ADAMTS3: variants seen among roughly 807,000 people sequenced by gnomAD.
ADAMTS3 encodes ADAM metallopeptidase with thrombospondin type 1 motif 3, also known as A disintegrin and metalloproteinase with thrombospondin motifs 3.
ADAMTS3 carries 73 observed loss-of-function variants against 129.0 expected under a neutral mutation model. The observed-to-expected ratio is 0.57, with a 90% CI of 0.47 to 0.69. ADAMTS3 has a LOEUF of 0.69. Ranked by LOEUF, ADAMTS3 falls within the 30% of genes least tolerant of loss-of-function variation. ADAMTS3 has a pLI of 0.00. For synonymous variants in ADAMTS3, 477 were observed against 510.8 expected (o/e 0.93, Z 0.89); for missense variants, 1,457 against 1,514.5 (o/e 0.96, Z 0.63).
chr4:72,515,582 G>A (rs1399781339), intron 3 of ADAMTS3, among the ~76,000 whole-genome samples: 3 of 149,176 alleles, frequency 2.0e-5, no homozygotes, highest in African/African-American at 7.4e-5. Context: ...TTCTCTGATG[G>A]CCAGTGATGA....
At chr4:72,305,861 CACATGTATGT>C (rs920287063) in intron 16 of ADAMTS3, 116 bp downstream of exon 16, 1 of 781,038 alleles carries the variant, frequency 1.3e-6, no homozygotes, top group Non-Finnish European at 2.2e-6. Context: ...TATACGTATG[CACATGTATGT>C]ACATATACGT....
At chr4:72,357,289 C>T (rs1019791323) in intron 4 of ADAMTS3, among the ~76,000 whole-genome samples, 1 of 151,870 alleles carries the variant, frequency 6.6e-6, no homozygotes, top group Admixed American at 6.6e-5. Flanking sequence ...TAAATGAATG[C>T]TTATGTACGC....
chr4:72,333,695 C>A (rs1051507238), intron 5 of ADAMTS3, among the ~76,000 whole-genome samples: 3 of 152,098 alleles, frequency 2.0e-5, no homozygotes, highest in African/African-American at 7.2e-5. Context: ...TCCTTACACA[C>A]TAAATTTGAG....
chr4:72,326,825 CTCAATGAAACATCTAGTTTAAATTA>C (rs1329389467), intron 5 of ADAMTS3, among the ~76,000 whole-genome samples: 3 of 152,110 alleles, frequency 2.0e-5, no homozygotes, highest in Non-Finnish European at 4.4e-5. Flanking sequence ...AAATCTCAAT[CTCAATGAAACATCTAGTTTAAATTA>C]TCAATAAAAT....
chr4:72,421,380 T>A (rs369375777), intron 3 of ADAMTS3, among the ~76,000 whole-genome samples: 1 of 152,198 alleles, frequency 6.6e-6, no homozygotes, highest in Non-Finnish European at 1.5e-5. Context: ...CTATGTCATA[T>A]CCCAGGGTCT....
At position 72,283,298 on chromosome 4, in the gene ADAMTS3, G is replaced by C. The variant is rs775239324; in HGVS notation, c.3456C>G (p.Pro1152=). Residue 1152 remains proline, a synonymous_variant, in exon 22 of 22, where the codon CCC becomes CCG. Coordinates refer to ENST00000286657, the MANE Select transcript of ADAMTS3 (RefSeq NM_014243.3). ...VRLVTVPSSP[P]TKRVHLSSAS... is the part of the protein sequence containing the mutation. ...CTGAACTGAGGTGGACCCTCTTGGT[G>C]GGTGGGGAGGATGGTACGGTGACCA... 2 of 1,613,966 alleles carry C rather than the reference G, an allele frequency of 1.2e-6. No homozygotes were observed. Among genetic ancestry groups the C allele is most frequent in the Admixed American group, 1.7e-5 (1 of 60,000 alleles).
At chr4:72,542,295 G>A (rs368698869) in intron 3 of ADAMTS3, among the ~76,000 whole-genome samples, 5 of 152,104 alleles carry the variant, frequency 3.3e-5, no homozygotes, top group African/African-American at 9.6e-5. Context: ...CTCCCGAGTC[G>A]CTGGGACTAC....
In ADAMTS3 at chr4:72,311,116, G is replaced by C. The variant is rs776760954; in HGVS notation, c.1987C>G (p.Leu663Val). The stretch of plus-strand genomic sequence containing the variant: ...GAACAGTGCGTTCCATCATGCACCA[G>C]TTGTTTCATGTAAGCAACATCTCCA... ...ETGDVAYMKQ[L>V]VHDGTHCSYK... Residue 663 changes from leucine (L) to valine (V), a missense_variant, in exon 14 of 22, where the codon CTG (leucine) becomes GTG (valine). Coordinates refer to ENST00000286657, the MANE Select transcript of ADAMTS3 (RefSeq NM_014243.3). 6.2e-7 allele frequency: 1 copy of C among 1,612,648 alleles called. No homozygotes were observed.
chr4:72,300,777 T>C (rs4694121), intron 17 of ADAMTS3, among the ~76,000 whole-genome samples: 29,802 of 152,076 alleles, frequency 0.2, 3,495 homozygotes, highest in East Asian at 0.47. Context: ...ATTGTGAGGA[T>C]GTATAAGCAT....
intron 3 of ADAMTS3, among the ~76,000 whole-genome samples, chr4:72,487,811 A>G (rs1400390382): frequency 6.6e-6 from 1 of 152,072 alleles, no homozygotes; most frequent in African/African-American, 2.4e-5. Context: ...ATGATCAAAT[A>G]CAATCATTCT....
Position 72,295,701 on chromosome 4 carries a change from C to T in ADAMTS3, c.2676G>A (p.Pro892=), listed in dbSNP as rs200265826. ...HRSFCEANKK[P]KPIRRMCNIQ... is the part of the protein sequence containing the mutation. ...TATTGCACATTCGTCTAATAGGTTT[C>T]GGCTTTTTGTTGGCCTCACAGAAGC... The change falls in exon 19 of 22, where the codon CCG becomes CCA. Residue 892 remains proline (P), a synonymous_variant. Coordinates refer to ENST00000286657, the MANE Select transcript of ADAMTS3 (RefSeq NM_014243.3). 1.7e-5 allele frequency: 27 copies of T among 1,612,874 alleles called. No homozygotes were observed. Among genetic ancestry groups the T allele is most frequent in the Middle Eastern group, 1.6e-4 (1 of 6,074 alleles).
intron 3 of ADAMTS3, among the ~76,000 whole-genome samples, chr4:72,420,121 C>T (rs1009625773): frequency 3.9e-5 from 6 of 152,192 alleles, no homozygotes; most frequent in Non-Finnish European, 5.9e-5. Flanking sequence ...TCAAAACTTT[C>T]GAAGGTCTCC....
At chr4:72,507,104 A>C (rs1258355801) in intron 3 of ADAMTS3, among the ~76,000 whole-genome samples, 1 of 152,232 alleles carries the variant, frequency 6.6e-6, no homozygotes, top group Non-Finnish European at 1.5e-5. Context: ...TGTATGTGTG[A>C]ATGTGTATAT....
rs563623307 is a variant in ADAMTS3, at chr4:72,515,969, G to A, written c.504+32509C>T. Among the ~76,000 whole-genome samples, 3 of 152,230 alleles carry A rather than the reference G, an allele frequency of 2.0e-5. No individual in the cohort carries two copies. In the South Asian group the frequency reaches 6.2e-4, roughly 32 times the overall value. ...TTCTTCTAGGGTTTTTATGGTTTTAGGTCTAACATGTAAATCTTTAATCCA... is the reference window on the plus strand; with the variant it reads ...TTCTTCTAGGGTTTTTATGGTTTTAAGTCTAACATGTAAATCTTTAATCCA... On this transcript the variant is annotated intron_variant, in intron 3 of 21. Transcript: ENST00000286657.
chr4:72,537,397 T>C (rs1721208337), intron 3 of ADAMTS3, among the ~76,000 whole-genome samples: 1 of 152,188 alleles, frequency 6.6e-6, no homozygotes, highest in Non-Finnish European at 1.5e-5. Flanking sequence ...TTTATAGAGA[T>C]AGCTTTTTTT....
intron 3 of ADAMTS3, among the ~76,000 whole-genome samples, chr4:72,513,643 T>C (rs1720374032): frequency 6.6e-6 from 1 of 152,186 alleles, no homozygotes; most frequent in Non-Finnish European, 1.5e-5. Context: ...TACTTTCAGA[T>C]TTTCCTTCAT....
intron 3 of ADAMTS3, among the ~76,000 whole-genome samples, chr4:72,524,535 TTTATTA>T (rs936375427): frequency 1.3e-5 from 2 of 151,938 alleles, no homozygotes; most frequent in Non-Finnish European, 2.9e-5. Flanking sequence ...TGAATCATGC[TTTATTA>T]TTATTATTAA....
chr4:72,498,593 C>T (rs190355000), intron 3 of ADAMTS3, among the ~76,000 whole-genome samples: 2 of 152,020 alleles, frequency 1.3e-5, no homozygotes, highest in African/African-American at 4.8e-5. Context: ...ACAGAACATT[C>T]TACCTCACCC....
chr4:72,313,329 G>A lies in ADAMTS3; in HGVS notation c.1745+348C>T, dbSNP rs73824531. Reference sequence around the variant, plus strand: ...AGAGAGAGTCTGTATGCTTGGTACCGCTCTTTCCTGGACACTCTCTTGTTT... The same window carrying A: ...AGAGAGAGTCTGTATGCTTGGTACCACTCTTTCCTGGACACTCTCTTGTTT... On this transcript the variant is annotated intron_variant, in intron 12 of 21. Coordinates refer to ENST00000286657, the MANE Select transcript of ADAMTS3 (RefSeq NM_014243.3). Among the ~76,000 whole-genome samples the A allele has an allele frequency of 1.9e-4, 29 of 152,218 alleles. 1 individual carries two copies. The highest frequency in any genetic ancestry group is 6.0e-4 in the African/African-American group (25 of 41,544).
Sources: gnomAD v4.1 joint callset for allele counts (sites outside exome capture counted in the v4.1 genomes callset) on GRCh38, gnomAD v4.1.1 for gene constraint, MANE v1.5 for transcripts, NCBI Gene and HGNC (gene_info 2026-07-23, HGNC 2026-07-21) for gene names.